The following EPHA4 variants were observed in gnomAD, a reference collection of about 807,000 sequenced individuals.
EPHA4 encodes the protein ephrin type-A receptor 4.
EPHA4 carries 19 observed loss-of-function variants against 108.3 expected under a neutral mutation model. The observed-to-expected ratio is 0.18, with a 90% CI of 0.12 to 0.26. The LOEUF (loss-of-function observed/expected upper bound fraction) is 0.26. EPHA4 is among the 10% of genes least tolerant of loss of function. The pLI is 1.00. For synonymous variants in EPHA4, 449 were observed against 455.5 expected, an observed-to-expected ratio of 0.99 and a Z score of 0.18; for missense variants, 917 against 1,254.0, an observed-to-expected ratio of 0.73 and a Z score of 4.06.
chr2:221,527,974 A>T (rs927377296), intron 3 of EPHA4, among the ~76,000 whole-genome samples: 2 of 152,098 alleles, frequency 1.3e-5, no homozygotes, highest in Non-Finnish European at 2.9e-5. Context: ...TCACAAGTTA[A>T]AAGTGTTTAT....
intron 5 of EPHA4, among the ~76,000 whole-genome samples, chr2:221,467,938 C>T (rs1323831407): frequency 2.0e-5 from 3 of 152,146 alleles, no homozygotes; most frequent in Non-Finnish European, 4.4e-5. Flanking sequence ...AGTCTTTCCA[C>T]TGGAAGGCAG....
At chr2:221,475,704 T>C (rs1328408568) in intron 5 of EPHA4, among the ~76,000 whole-genome samples, 1 of 152,226 alleles carries the variant, frequency 6.6e-6, no homozygotes, top group East Asian at 1.9e-4. Context: ...GGGAATTTGT[T>C]CCAGTAAAAC....
chr2:221,561,053 T>C (rs1353661082), intron 3 of EPHA4, among the ~76,000 whole-genome samples: 1 of 152,064 alleles, frequency 6.6e-6, no homozygotes, highest in African/African-American at 2.4e-5. Flanking sequence ...CCATCCTGGC[T>C]AACACGGTGA....
At position 221,447,821 on chromosome 2, in the gene EPHA4, T is replaced by TTTTATTTA. The variant is rs56796398; in HGVS notation, c.1716-1648_1716-1641dup. On this transcript the variant is annotated intron_variant, in intron 8 of 17. Coordinates refer to ENST00000281821, the MANE Select transcript of EPHA4 (RefSeq NM_004438.5). ...GCATTTAACTTTTCAAAGGGTCTAT[T>TTTTATTTA]TTTATTTATTTATTTATTTATTTAA... Among the ~76,000 whole-genome samples, 353 of 147,666 alleles carry TTTTATTTA rather than the reference T, an allele frequency of 2.4e-3. 2 individuals carry two copies. The highest frequency in any genetic ancestry group is 6.3e-3 in the African/African-American group (251 of 39,934).
chr2:221,564,576 G>GT (rs144228279), intron 2 of EPHA4, among the ~76,000 whole-genome samples, 182 bp from the exon 3 acceptor site: 21,837 of 149,342 alleles, frequency 0.15, 2,111 homozygotes, highest in East Asian at 0.37. Flanking sequence ...TATTGAGGAA[G>GT]TTTTTTTTTT....
chr2:221,422,391 G>A (rs752618381), intron 17 of EPHA4, among the ~76,000 whole-genome samples: 1 of 152,190 alleles, frequency 6.6e-6, no homozygotes, highest in Non-Finnish European at 1.5e-5. Context: ...TTTGCTACTA[G>A]AAATTCTTAA....
In EPHA4 at chr2:221,418,337, T is replaced by A. The variant is rs1689640344; in HGVS notation, c.*3035A>T. The A allele has an allele frequency of 1.3e-5, 2 of 152,652 alleles. No individual in the cohort carries two copies. The highest frequency in any genetic ancestry group is 4.1e-4 in the South Asian group (2 of 4,836). The allele number at this position is 152,652 out of a possible 1,614,324, so 9.5% of individuals were successfully genotyped here. A position where few individuals can be genotyped will look rare whatever the true frequency, so the allele number is the denominator to read the frequency against. On this transcript the variant is annotated 3_prime_UTR_variant, in exon 18 of 18. Coordinates refer to ENST00000281821, the MANE Select transcript of EPHA4 (RefSeq NM_004438.5). ...TACATTCTAATTTGAACCACAGTCCTTGCATATTCCAACATACTTAGAGTG... is the reference window on the plus strand; with the variant it reads ...TACATTCTAATTTGAACCACAGTCCATGCATATTCCAACATACTTAGAGTG...
chr2:221,435,994 A>G (rs981610346), intron 13 of EPHA4, among the ~76,000 whole-genome samples: 1 of 152,114 alleles, frequency 6.6e-6, no homozygotes, highest in Non-Finnish European at 1.5e-5. Context: ...ACAAGTGCAA[A>G]AAAATAAATA....
chr2:221,509,071 G>A (rs1322754741), intron 3 of EPHA4, among the ~76,000 whole-genome samples: 2 of 152,188 alleles, frequency 1.3e-5, no homozygotes, highest in African/African-American at 4.8e-5. Flanking sequence ...GCTCACACCT[G>A]TAATCCCACC....
At chr2:221,423,779 T>C (rs1364170537) in intron 17 of EPHA4, among the ~76,000 whole-genome samples, 1 of 152,092 alleles carries the variant, frequency 6.6e-6, no homozygotes, top group Non-Finnish European at 1.5e-5. Context: ...AAAAAAACTT[T>C]TAATTATTCA....
intron 3 of EPHA4, among the ~76,000 whole-genome samples, chr2:221,541,059 G>A (rs557090265): frequency 4.2e-4 from 63 of 149,714 alleles, no homozygotes; most frequent in African/African-American, 1.2e-3. Flanking sequence ...TGAGCCTCCC[G>A]CCTCAGCCTC....
chr2:221,554,829 CATGA>C (rs1694258776), intron 3 of EPHA4, among the ~76,000 whole-genome samples: 1 of 152,178 alleles, frequency 6.6e-6, no homozygotes, highest in African/African-American at 2.4e-5. Flanking sequence ...TCACTGATGG[CATGA>C]ATGGACTCCA....
At chr2:221,507,151 C>G (rs920231976) in intron 3 of EPHA4, among the ~76,000 whole-genome samples, 1 of 152,140 alleles carries the variant, frequency 6.6e-6, no homozygotes, top group African/African-American at 2.4e-5. Flanking sequence ...AACTTGTCCA[C>G]GGGTCCTTTC....
intron 3 of EPHA4, among the ~76,000 whole-genome samples, chr2:221,537,914 C>T (rs1191518760): frequency 6.6e-6 from 1 of 152,080 alleles, no homozygotes; most frequent in Admixed American, 6.5e-5. Context: ...AAAACATTTC[C>T]ACAAAAGTTG....
At chr2:221,456,816 TCTC>T (rs767237553) in intron 6 of EPHA4, 44 bp from the exon 7 acceptor site, 1 of 1,607,282 alleles carries the variant, frequency 6.2e-7, no homozygotes, top group Non-Finnish European at 8.5e-7. Flanking sequence ...GCAAAATAAA[TCTC>T]CTGCTTACTT....
chr2:221,436,509 C>T lies in EPHA4; in HGVS notation c.2236G>A (p.Asp746Asn). The change falls in exon 13 of 18, where the codon GAT (aspartate) becomes AAT (asparagine). Residue 746 changes from aspartate (D) to asparagine (N), a missense_variant. Transcript: ENST00000281821. ...ACCAGGATGTTCCGTGCGGCCAGAT[C>T]ACGATGCACATAGCTCATATCAGAT... ...YLSDMSYVHR[D>N]LAARNILVNS... The T allele has an allele frequency of 6.2e-7, 1 of 1,614,160 alleles. No homozygotes were observed. The highest frequency in any genetic ancestry group is 8.5e-7 in the Non-Finnish European group (1 of 1,180,028).
chr2:221,488,044 A>G (rs188906447), intron 4 of EPHA4, among the ~76,000 whole-genome samples: 155 of 152,212 alleles, frequency 1.0e-3, no homozygotes, highest in Admixed American at 2.0e-3. Flanking sequence ...GAAAATAAAT[A>G]TTTTAGGCTT....
intron 3 of EPHA4, among the ~76,000 whole-genome samples, chr2:221,536,152 T>C (rs910520772): frequency 6.6e-6 from 1 of 152,234 alleles, no homozygotes; most frequent in Non-Finnish European, 1.5e-5. Context: ...ATCACTCATT[T>C]TGACACTTAA....
chr2:221,572,083 C>T (rs1011087059), intron 1 of EPHA4, 75 bp downstream of exon 1: 1 of 1,268,218 alleles, frequency 7.9e-7, no homozygotes, highest in African/African-American at 1.5e-5. Context: ...CCACCTGGCC[C>T]TGCGCTCCTG....
Sources: gnomAD v4.1 joint callset for allele counts (sites outside exome capture counted in the v4.1 genomes callset) on GRCh38, gnomAD v4.1.1 for gene constraint, MANE v1.5 for transcripts, NCBI Gene and HGNC (gene_info 2026-07-23, HGNC 2026-07-21) for gene names.